The following FGF10 variants were observed in gnomAD, a reference collection of about 807,000 sequenced individuals.
FGF10 encodes the protein FGF-10.
In FGF10, 2 loss-of-function variants were observed where a neutral mutation model predicts 19.8. The ratio of observed to expected loss-of-function variants is 0.10; its 90% CI spans 0.04 to 0.32. The LOEUF is 0.32. Among genes scored for constraint, FGF10 ranks in the 10% least tolerant of loss-of-function variants. FGF10 has a pLI of 1.00. For missense variants in FGF10, 191 were observed against 246.3 expected, an observed-to-expected ratio of 0.78 and a Z score of 1.50; for synonymous variants, 112 against 94.0, an observed-to-expected ratio of 1.19 and a Z score of -1.10.
At chr5:44,331,831 C>G (rs759683089) in intron 1 of FGF10, among the ~76,000 whole-genome samples, 2 of 152,022 alleles carry the variant, frequency 1.3e-5, no homozygotes, top group South Asian at 4.1e-4. Flanking sequence ...TAGCATCATG[C>G]TAAAAAGAAT....
intron 1 of FGF10, among the ~76,000 whole-genome samples, chr5:44,358,960 C>T (rs555570775): frequency 1.3e-5 from 2 of 151,478 alleles, no homozygotes; most frequent in Non-Finnish European, 3.0e-5. Context: ...ATAACATTCT[C>T]CAATAAAGAC....
At chr5:44,334,820 A>G (rs1740810940) in intron 1 of FGF10, among the ~76,000 whole-genome samples, 1 of 152,180 alleles carries the variant, frequency 6.6e-6, no homozygotes, top group Non-Finnish European at 1.5e-5. Flanking sequence ...TGACAAATAA[A>G]GATACTTGCA....
intron 1 of FGF10, among the ~76,000 whole-genome samples, chr5:44,341,460 T>C (rs1740969196): frequency 6.6e-6 from 1 of 151,626 alleles, no homozygotes; most frequent in African/African-American, 2.4e-5. Flanking sequence ...TAATAGATAG[T>C]CTGAGCTATT....
At chr5:44,356,291 A>T (rs1034936627) in intron 1 of FGF10, among the ~76,000 whole-genome samples, 1 of 151,384 alleles carries the variant, frequency 6.6e-6, no homozygotes, top group Non-Finnish European at 1.5e-5. Context: ...CAGAAAACCA[A>T]CTCACTTTGT....
At chr5:44,382,144 G>A (rs1331793974) in intron 1 of FGF10, among the ~76,000 whole-genome samples, 7 of 152,178 alleles carry the variant, frequency 4.6e-5, no homozygotes, top group African/African-American at 1.7e-4. Flanking sequence ...CTATCAGATA[G>A]TAATTGGATG....
At chr5:44,370,472 G>A (rs548973489) in intron 1 of FGF10, among the ~76,000 whole-genome samples, 3 of 152,074 alleles carry the variant, frequency 2.0e-5, no homozygotes, top group African/African-American at 4.8e-5. Context: ...TTCTTATCTC[G>A]TTCCCTTGCA....
chr5:44,341,116 G>C (rs551549285), intron 1 of FGF10, among the ~76,000 whole-genome samples: 11 of 152,006 alleles, frequency 7.2e-5, no homozygotes, highest in African/African-American at 2.6e-4. Flanking sequence ...GTAAAAGTTT[G>C]CATATGAGTT....
chr5:44,349,439 T>TATATATATATATATCAGA (rs1741172016), intron 1 of FGF10, among the ~76,000 whole-genome samples: 2 of 11,226 alleles, frequency 1.8e-4, no homozygotes, highest in East Asian at 2.4e-3. Context: ...TATATATATA[T>TATATATATATATATCAGA]ATATATATAT....
chr5:44,326,752 T>A (rs11950134), intron 1 of FGF10, among the ~76,000 whole-genome samples: 2 of 152,136 alleles, frequency 1.3e-5, no homozygotes, highest in Non-Finnish European at 2.9e-5. Context: ...CCTGATGCTG[T>A]ACTACCAGCA....
chr5:44,381,050 A>G (rs1194208887), intron 1 of FGF10, among the ~76,000 whole-genome samples: 1 of 152,226 alleles, frequency 6.6e-6, no homozygotes, highest in Non-Finnish European at 1.5e-5. Context: ...ATGTATGCAA[A>G]TAATTTAAAA....
At chr5:44,376,490 CAAAAAAAA>C (rs764913349) in intron 1 of FGF10, among the ~76,000 whole-genome samples, 2 of 34,550 alleles carry the variant, frequency 5.8e-5, no homozygotes, top group South Asian at 1.7e-3. Context: ...ATACAAATGC[CAAAAAAAA>C]AAAAAAAAAA....
intron 1 of FGF10, among the ~76,000 whole-genome samples, chr5:44,356,950 T>G (rs979263460): frequency 6.6e-6 from 1 of 151,220 alleles, no homozygotes; most frequent in African/African-American, 2.4e-5. Flanking sequence ...TGACCTTACA[T>G]CCCTTTCCCC....
At chr5:44,340,435 G>T (rs115966075) in intron 1 of FGF10, among the ~76,000 whole-genome samples, 3,459 of 152,018 alleles carry the variant, frequency 0.023, 157 homozygotes, top group African/African-American at 0.079. Flanking sequence ...CAACCTAATA[G>T]AAAAATATTA....
intron 2 of FGF10, among the ~76,000 whole-genome samples, chr5:44,305,580 C>A (rs1477902586): frequency 6.6e-6 from 1 of 151,860 alleles, no homozygotes; most frequent in Non-Finnish European, 1.5e-5. Flanking sequence ...TAACCAGGGG[C>A]CCCATGGGAA....
At chr5:44,321,176 T>G (rs1740476521) in intron 1 of FGF10, among the ~76,000 whole-genome samples, 1 of 152,176 alleles carries the variant, frequency 6.6e-6, no homozygotes, top group Non-Finnish European at 1.5e-5. Context: ...ACATTTGTCA[T>G]GAACTTACAG....
chr5:44,349,667 C>T (rs1394516619), intron 1 of FGF10, among the ~76,000 whole-genome samples: 1 of 117,254 alleles, frequency 8.5e-6, no homozygotes, highest in Admixed American at 8.1e-5. Context: ...TTTGCTAAGG[C>T]TAAATATATT....
Position 44,378,713 on chromosome 5 carries a change from A to T in FGF10, c.325+9645T>A, listed in dbSNP as rs566838405. On this transcript the variant is annotated intron_variant, in intron 1 of 2. Coordinates refer to ENST00000264664, the MANE Select transcript of FGF10 (RefSeq NM_004465.2). Reference sequence around the variant, plus strand: ...CCAAAAGTGCTGGGATTACAGGGTCAGCCACTGCGCCTGGCCGATATTTCC... The same window carrying T: ...CCAAAAGTGCTGGGATTACAGGGTCTGCCACTGCGCCTGGCCGATATTTCC... 5.3e-4 allele frequency among the ~76,000 whole-genome samples: 81 copies of T among 152,292 alleles called. 1 individual carries two copies. The highest frequency in any genetic ancestry group is 1.5e-3 in the Admixed American group (23 of 15,306).
At chr5:44,314,087 C>G (rs934526710) in intron 1 of FGF10, among the ~76,000 whole-genome samples, 23 of 151,974 alleles carry the variant, frequency 1.5e-4, no homozygotes, top group African/African-American at 5.1e-4. Context: ...GAGACCTGAA[C>G]TGAGTCATGA....
chr5:44,339,023 T>C (rs959906135), intron 1 of FGF10, among the ~76,000 whole-genome samples: 1 of 152,184 alleles, frequency 6.6e-6, no homozygotes, highest in Non-Finnish European at 1.5e-5. Flanking sequence ...TAAGACCAAC[T>C]ATATTTAATT....
Sources: allele counts gnomAD v4.1 joint callset (sites outside exome capture counted in the v4.1 genomes callset), GRCh38; gene constraint gnomAD v4.1.1; transcripts MANE v1.5; gene names NCBI Gene and HGNC (gene_info 2026-07-23, HGNC 2026-07-21).